Variants in CEP170 observed in about 807,000 individuals in gnomAD.
The protein encoded by CEP170 is centrosomal protein 170, also known as centrosomal protein of 170 kDa.
Under a neutral mutation model 151.9 loss-of-function variants are expected in CEP170, and 21 were observed. The ratio of observed to expected loss-of-function variants is 0.14; its 90% CI spans 0.10 to 0.20. The LOEUF (loss-of-function observed/expected upper bound fraction) is 0.20, where lower values mean the gene tolerates loss of function less well. CEP170 is among the 10% of genes least tolerant of loss of function. CEP170 has a pLI of 1.00. For missense variants in CEP170, 964 were observed against 1,892.9 expected, an observed-to-expected ratio of 0.51 and a Z score of 9.11; for synonymous variants, 356 against 648.8, an observed-to-expected ratio of 0.55 and a Z score of 6.86.
chr1:243,236,291 G>C (rs1558675600), intron 1 of CEP170, among the ~76,000 whole-genome samples: 1 of 152,102 alleles, frequency 6.6e-6, no homozygotes, highest in African/African-American at 2.4e-5. Context: ...TATCTCCTTT[G>C]TATTTTTCTT....
intron 1 of CEP170, among the ~76,000 whole-genome samples, chr1:243,251,641 T>A (rs1465816202): frequency 6.6e-6 from 1 of 152,164 alleles, no homozygotes; most frequent in Non-Finnish European, 1.5e-5. Context: ...AAGGGTAATA[T>A]TTTCTATATC....
intron 14 of CEP170, among the ~76,000 whole-genome samples, chr1:243,154,706 T>C (rs1305762646): frequency 6.6e-6 from 1 of 152,260 alleles, no homozygotes; most frequent in Admixed American, 6.5e-5. Context: ...TTGATAATAG[T>C]AACACTATGC....
intron 10 of CEP170, among the ~76,000 whole-genome samples, chr1:243,184,723 A>G (rs1475846855): frequency 6.6e-6 from 1 of 151,970 alleles, no homozygotes; most frequent in African/African-American, 2.4e-5. Context: ...CTGCATCCCA[A>G]AGGGTTATCT....
At chr1:243,222,777 C>A (rs2062931682) in intron 2 of CEP170, among the ~76,000 whole-genome samples, 1 of 152,094 alleles carries the variant, frequency 6.6e-6, no homozygotes, top group South Asian at 2.1e-4. Flanking sequence ...TTTTCAGAGA[C>A]CTGAGGTCAC....
Position 243,200,780 on chromosome 1 carries a change from A to G in CEP170, c.330T>C (p.Leu110=). Residue 110 remains leucine (L), a synonymous_variant, in exon 5 of 20, where the codon CTT becomes CTC. Coordinates refer to ENST00000366542, the MANE Select transcript of CEP170 (RefSeq NM_014812.3). ...QGEMRVPEEA[L]KHEKFTIQLQ... is the part of the protein sequence containing the mutation. ...GAAGTTAAGTAAAAACTGTTACCTT[A>G]AGAGCTTCTTCAGGGACCCTCATTT... 1 of 1,611,798 alleles carries G rather than the reference A, an allele frequency of 6.2e-7. No individual in the cohort carries two copies. Among genetic ancestry groups the G allele is most frequent in the Non-Finnish European group, 8.5e-7 (1 of 1,179,036 alleles).
chr1:243,155,278 CA>C (rs2057445984), intron 14 of CEP170, among the ~76,000 whole-genome samples: 2 of 152,016 alleles, frequency 1.3e-5, no homozygotes, highest in Admixed American at 1.3e-4. Context: ...TACATCAAAC[CA>C]ATGAGCCAGA....
At chr1:243,180,688 T>C (rs1413358646) in intron 10 of CEP170, among the ~76,000 whole-genome samples, 2 of 152,208 alleles carry the variant, frequency 1.3e-5, no homozygotes, top group African/African-American at 4.8e-5. Flanking sequence ...ATCTTAAATC[T>C]TGCTGTGACT....
rs541453560 is a variant in CEP170, at chr1:243,249,536, T to G, written c.-42+5504A>C. Reference sequence around the variant, plus strand: ...AAAAGTGGTAACTCAGCAGATAAGATGTAGGGTGAAAAGGTTTTTCATATT... The same window carrying G: ...AAAAGTGGTAACTCAGCAGATAAGAGGTAGGGTGAAAAGGTTTTTCATATT... On this transcript the variant is annotated intron_variant, in intron 1 of 19. Coordinates refer to ENST00000366542, the MANE Select transcript of CEP170 (RefSeq NM_014812.3). Among the ~76,000 whole-genome samples the G allele has an allele frequency of 3.3e-5, 5 of 152,284 alleles. No homozygotes were observed. The South Asian group carries it at 1.0e-3, about 32-fold the overall frequency.
intron 12 of CEP170, among the ~76,000 whole-genome samples, chr1:243,168,571 A>G (rs955261469): frequency 5.3e-5 from 8 of 152,052 alleles, no homozygotes; most frequent in African/African-American, 1.9e-4. Context: ...CAAAGAGTTA[A>G]CACTTTTTGT....
chr1:243,220,778 A>G (rs1238603547), intron 3 of CEP170, among the ~76,000 whole-genome samples: 1 of 152,222 alleles, frequency 6.6e-6, no homozygotes, highest in Non-Finnish European at 1.5e-5. Flanking sequence ...ATAATTCAAT[A>G]CTTCAGCACT....
At chr1:243,210,162 T>G (rs1558596690) in intron 4 of CEP170, among the ~76,000 whole-genome samples, 1 of 152,252 alleles carries the variant, frequency 6.6e-6, no homozygotes, top group Non-Finnish European at 1.5e-5. Flanking sequence ...GAGAAAAATG[T>G]CTGTTTGCTG....
chr1:243,161,102 C>A (rs3015156), intron 13 of CEP170, among the ~76,000 whole-genome samples: 86,510 of 143,482 alleles, frequency 0.6, 27,893 homozygotes, highest in African/African-American at 0.85. Flanking sequence ...ACGGGAGGAC[C>A]GACCAGCCTG....
intron 4 of CEP170, among the ~76,000 whole-genome samples, chr1:243,202,613 T>C (rs571974886): frequency 1.3e-5 from 2 of 152,142 alleles, no homozygotes; most frequent in East Asian, 1.9e-4. Flanking sequence ...GCAGATATTA[T>C]TGAAGTTTTT....
chr1:243,192,092 G>T (rs185497914), intron 7 of CEP170, among the ~76,000 whole-genome samples: 1 of 152,158 alleles, frequency 6.6e-6, no homozygotes, highest in African/African-American at 2.4e-5. Context: ...GCTGAAGTGC[G>T]ATCCTTGCAA....
At chr1:243,226,137 GTA>G (rs145769714) in intron 1 of CEP170, among the ~76,000 whole-genome samples, 54,578 of 127,392 alleles carry the variant, frequency 0.43, 13,280 homozygotes, top group East Asian at 0.65. Context: ...GTATATATGT[GTA>G]TATATATGTA....
intron 1 of CEP170, among the ~76,000 whole-genome samples, chr1:243,226,683 A>T (rs2063325544): frequency 1.3e-5 from 2 of 152,194 alleles, no homozygotes; most frequent in Non-Finnish European, 2.9e-5. Flanking sequence ...CTTTTCACAC[A>T]ATGTTATAGG....
chr1:243,175,779 G>A (rs963291560), intron 10 of CEP170, among the ~76,000 whole-genome samples: 17 of 142,440 alleles, frequency 1.2e-4, no homozygotes, highest in African/African-American at 4.2e-4. Context: ...CCCACCTGCT[G>A]GAAGGCTCAA....
intron 14 of CEP170, among the ~76,000 whole-genome samples, chr1:243,146,219 A>G (rs2056470222): frequency 6.6e-6 from 1 of 152,172 alleles, no homozygotes; most frequent in South Asian, 2.1e-4. Context: ...TTTTAGGTTT[A>G]TTTGCCTCCC....
At chr1:243,157,988 T>G (rs2057715875) in intron 13 of CEP170, among the ~76,000 whole-genome samples, 2 of 152,194 alleles carry the variant, frequency 1.3e-5, no homozygotes, top group Non-Finnish European at 2.9e-5. Context: ...GTCATAGACC[T>G]TTTTTGAGGA....
Sources: gnomAD v4.1 joint callset for allele counts (sites outside exome capture counted in the v4.1 genomes callset) on GRCh38, gnomAD v4.1.1 for gene constraint, MANE v1.5 for transcripts, NCBI Gene and HGNC (gene_info 2026-07-23, HGNC 2026-07-21) for gene names.